The following DNAJA3 variants were observed in gnomAD, a reference collection of about 807,000 sequenced individuals.
DNAJA3 encodes the protein dnaJ homolog subfamily A member 3, mitochondrial.
A neutral mutation model predicts 54.9 loss-of-function variants in DNAJA3; 29 were observed. The observed-to-expected ratio is 0.53, with a 90% CI of 0.39 to 0.72. The LOEUF is 0.72. DNAJA3 is among the 30% of genes least tolerant of loss of function. The pLI is 0.00. For synonymous variants in DNAJA3, 302 were observed against 251.4 expected (o/e 1.20, Z -1.90); for missense variants, 708 against 639.4 (o/e 1.11, Z -1.16).
At chr16:4,444,643 C>T in intron 6 of DNAJA3, 21 bp from the exon 7 acceptor site, 1 of 1,612,988 alleles carries the variant, frequency 6.2e-7, no homozygotes, top group South Asian at 1.1e-5. Flanking sequence ...CTAACTTCTC[C>T]CTTTCTAATG....
At chr16:4,445,850 C>T (rs565186833) in intron 7 of DNAJA3, among the ~76,000 whole-genome samples, 1 of 152,062 alleles carries the variant, frequency 6.6e-6, no homozygotes, top group African/African-American at 2.4e-5. Context: ...CTGCGCCCGG[C>T]CTGTGATATT....
rs200543346 is a variant in DNAJA3 at position 4,443,163 on chromosome 16, A to G, written c.930A>G (p.Ala310=). The change falls in exon 6 of 12, where the codon GCA becomes GCG. Residue 310 remains alanine, a splice_region_variant and synonymous_variant. Coordinates refer to ENST00000262375, the MANE Select transcript of DNAJA3 (RefSeq NM_005147.6). The part of the protein sequence containing the change: ...QKKRVMIPVP[A]GVEDGQTVRM... ...AGCGAGTGATGATCCCTGTGCCTGC[A>G]GGTGGGTGCTTGGGCCCGCCATGTC... 265 of 1,613,824 alleles carry G rather than the reference A, an allele frequency of 1.6e-4. 1 individual carries two copies. Among genetic ancestry groups the G allele is most frequent in the Non-Finnish European group, 2.0e-4 (241 of 1,179,984 alleles).
chr16:4,443,654 T>C (rs920098100), intron 6 of DNAJA3, among the ~76,000 whole-genome samples: 4 of 151,832 alleles, frequency 2.6e-5, no homozygotes, highest in Non-Finnish European at 5.9e-5. Context: ...TGAGTATCCC[T>C]TCCCTAGCTA....
chr16:4,439,839 G>A (rs574624286), intron 3 of DNAJA3, among the ~76,000 whole-genome samples: 1 of 152,258 alleles, frequency 6.6e-6, no homozygotes, highest in East Asian at 1.9e-4. Flanking sequence ...TAGGCACCAA[G>A]CTGTCCTCCA....
Position 4,443,167 on chromosome 16 carries a change from G to GGGT in DNAJA3, c.931+5_931+7dup. The GGGT allele has an allele frequency of 6.2e-7, 1 of 1,613,830 alleles. No individual in the cohort carries two copies. The highest frequency in any genetic ancestry group is 8.5e-7 in the Non-Finnish European group (1 of 1,179,958). ...AGTGATGATCCCTGTGCCTGCAGGT[G>GGGT]GGTGCTTGGGCCCGCCATGTCCAGG... On this transcript the variant is annotated splice_donor_region_variant and intron_variant, in intron 6 of 11. Transcript: ENST00000262375.
rs751716635 is a variant in DNAJA3, at chr16:4,426,063, T to C, written c.182T>C (p.Leu61Pro). 16 of 1,602,634 alleles carry C rather than the reference T, an allele frequency of 1.0e-5. No homozygotes were observed. The highest frequency in any genetic ancestry group is 1.4e-5 in the Non-Finnish European group (16 of 1,175,150). The change falls in exon 1 of 12, where the codon CTG becomes CCG. Residue 61 changes from leucine to proline, a missense_variant. Transcript: ENST00000262375. ...ACCTCTTGCGGCCCCCGAGCGCTGC[T>C]GACATTGAGACCTGGTGTCAGCCTT... is the stretch of plus-strand genomic sequence containing the variant. The part of the protein sequence containing the change: ...SLTSCGPRAL[L>P]TLRPGVSLTG...
chr16:4,434,310 G>T (rs977058614), intron 1 of DNAJA3, 74 bp from the exon 2 acceptor site: 60 of 1,519,608 alleles, frequency 3.9e-5, no homozygotes, highest in Middle Eastern at 3.5e-4. Flanking sequence ...ATATAGCCTG[G>T]TGGGTCATGT....
intron 6 of DNAJA3, 66 bp from the exon 7 acceptor site, chr16:4,444,598 T>C: frequency 7.0e-7 from 1 of 1,427,564 alleles, no homozygotes; most frequent in Non-Finnish European, 9.9e-7. Flanking sequence ...CCTCCCAAAG[T>C]GCTGGGATTA....
chr16:4,451,751 TG>T (rs2056980497), intron 10 of DNAJA3, among the ~76,000 whole-genome samples: 1 of 72,644 alleles, frequency 1.4e-5, no homozygotes. Flanking sequence ...TGAGACTCTC[TG>T]AAAAAAAAAA....
At chr16:4,433,203 T>G (rs898149804) in intron 1 of DNAJA3, 1 of 152,368 alleles carries the variant, frequency 6.6e-6, no homozygotes, top group East Asian at 1.9e-4. Context: ...TCCTTGTTTC[T>G]TAAGCAGTTG....
chr16:4,455,377 C>T (rs892396016), intron 11 of DNAJA3, 169 bp from the exon 12 acceptor site: 17 of 716,920 alleles, frequency 2.4e-5, no homozygotes, highest in Admixed American at 7.2e-5. Context: ...AGCGCTTGCT[C>T]GCCGTGTCAT....
chr16:4,432,819 A>G (rs2056722147), intron 1 of DNAJA3, among the ~76,000 whole-genome samples: 1 of 149,846 alleles, frequency 6.7e-6, no homozygotes, highest in South Asian at 2.1e-4. Flanking sequence ...CTGGGCAAGA[A>G]GAGCGAAACT....
intron 8 of DNAJA3, chr16:4,447,761 CTCATTT>C (rs2056920304): frequency 6.6e-6 from 1 of 152,180 alleles, no homozygotes; most frequent in South Asian, 2.1e-4. Context: ...CCCAACTTAG[CTCATTT>C]CCATGTGCTT....
At chr16:4,443,689 T>TTC (rs1267844390) in intron 6 of DNAJA3, among the ~76,000 whole-genome samples, 1 of 150,952 alleles carries the variant, frequency 6.6e-6, no homozygotes, top group Non-Finnish European at 1.5e-5. Context: ...TCCCTGTTCT[T>TTC]TTTTTTTTCT....
At position 4,434,431 on chromosome 16, in the gene DNAJA3, G is replaced by T. The variant is rs989685752; in HGVS notation, c.259G>T (p.Ala87Ser). Residue 87 changes from alanine to serine, a missense_variant, in exon 2 of 12, where the codon GCC becomes TCC. By Grantham distance (99) the Ala-to-Ser change is moderately conservative. Transcript: ENST00000262375. ...TTGTACTGCCTCCTTCCACACGAGT[G>T]CCCCTTTGGCCAAAGAAGATTATTA... Reference protein sequence around the residue: ...FICTASFHTSAPLAKEDYYQI... With the variant: ...FICTASFHTSSPLAKEDYYQI... The T allele has an allele frequency of 6.2e-7, 1 of 1,613,764 alleles. No homozygotes were observed. Among genetic ancestry groups the T allele is most frequent in the African/African-American group, 1.3e-5 (1 of 74,910 alleles).
intron 3 of DNAJA3, 23 bp from the exon 4 acceptor site, chr16:4,441,352 A>T: frequency 6.3e-7 from 1 of 1,599,942 alleles, no homozygotes; most frequent in Non-Finnish European, 8.5e-7. Flanking sequence ...TGGGATGCCC[A>T]GTGGCTCTGC....
intron 5 of DNAJA3, 34 bp from the exon 6 acceptor site, chr16:4,442,983 G>C: frequency 1.9e-6 from 3 of 1,608,058 alleles, no homozygotes; most frequent in South Asian, 2.2e-5. Flanking sequence ...GTTTACCTGC[G>C]TACTTAGGTT....
intron 10 of DNAJA3, among the ~76,000 whole-genome samples, chr16:4,452,093 G>A (rs1470821068): frequency 6.6e-6 from 1 of 151,780 alleles, no homozygotes; most frequent in Non-Finnish European, 1.5e-5. Context: ...CAAAAAAGCA[G>A]CTGCCACAAA....
In DNAJA3 at chr16:4,441,024, C is replaced by T. The variant is rs1009633581; in HGVS notation, c.430-351C>T. 9 of 302,842 alleles carry T rather than the reference C, an allele frequency of 3.0e-5. No individual in the cohort carries two copies. The East Asian group carries it at 5.6e-4, about 19-fold the overall frequency. 18.8% of individuals were successfully genotyped at this position (302,842 alleles called of 1,614,324 possible). A position where few individuals can be genotyped will look rare whatever the true frequency, so the allele number is the denominator to read the frequency against. On this transcript the variant is annotated intron_variant, in intron 3 of 11. Transcript: ENST00000262375. ...AAGGTAAGGGTAGGAAGCATAAATTCTCTACGAGGTAATGTCCCCTGAGGA... is the reference window on the plus strand; with the variant it reads ...AAGGTAAGGGTAGGAAGCATAAATTTTCTACGAGGTAATGTCCCCTGAGGA...
Sources: gnomAD v4.1 joint callset for allele counts (sites outside exome capture counted in the v4.1 genomes callset) on GRCh38, gnomAD v4.1.1 for gene constraint, MANE v1.5 for transcripts, NCBI Gene and HGNC (gene_info 2026-07-23, HGNC 2026-07-21) for gene names.